MCM6: variants seen among roughly 807,000 people sequenced by gnomAD.
MCM6 encodes DNA replication licensing factor MCM6.
Under a neutral mutation model 94.3 loss-of-function variants are expected in MCM6, and 46 were observed. The ratio of observed to expected loss-of-function variants is 0.49; its 90% CI spans 0.39 to 0.62. MCM6 has a LOEUF of 0.62. Among genes scored for constraint, MCM6 ranks in the 20% least tolerant of loss-of-function variants. The pLI is 0.00. For missense variants in MCM6, 865 were observed against 1,017.9 expected (o/e 0.85, Z 2.04); for synonymous variants, 335 against 351.9 (o/e 0.95, Z 0.54).
In MCM6 at chr2:135,870,364, GA is replaced by G; in HGVS notation, c.255-4del. On this transcript the variant is annotated splice_region_variant and splice_polypyrimidine_tract_variant and intron_variant, in intron 2 of 16. Coordinates refer to ENST00000264156, the MANE Select transcript of MCM6 (RefSeq NM_005915.6). ...CCCGACACAGGTAAGGGTAAACTCT[GA>G]AAAACAAAAAAGTCAGCTGATACCT... 1 of 1,609,764 alleles carries G rather than the reference GA, an allele frequency of 6.2e-7. No homozygotes were observed. Among genetic ancestry groups the G allele is most frequent in the Non-Finnish European group, 8.5e-7 (1 of 1,176,990 alleles).
At chr2:135,865,223 G>A in intron 6 of MCM6, 60 bp from the exon 7 acceptor site, 1 of 1,208,052 alleles carries the variant, frequency 8.3e-7, no homozygotes, top group Non-Finnish European at 1.1e-6. Context: ...GAGCATAAAG[G>A]AGAAGAAACT....
At chr2:135,870,896 C>T (rs1202095557) in intron 2 of MCM6, among the ~76,000 whole-genome samples, 1 of 152,116 alleles carries the variant, frequency 6.6e-6, no homozygotes, top group Admixed American at 6.5e-5. Context: ...TACAGGCATG[C>T]ACCACCATGC....
intron 13 of MCM6, among the ~76,000 whole-genome samples, chr2:135,848,959 C>G (rs1327025573): frequency 1.3e-5 from 2 of 152,148 alleles, no homozygotes; most frequent in Admixed American, 1.3e-4. Context: ...AGGCTACTCC[C>G]AGTACGAACA....
chr2:135,840,500 AG>A lies in MCM6; in HGVS notation c.*334del, dbSNP rs2105568197. On this transcript the variant is annotated 3_prime_UTR_variant, in exon 17 of 17. Coordinates refer to ENST00000264156, the MANE Select transcript of MCM6 (RefSeq NM_005915.6). ...AAGCAGTAGCTGGCAATTGAAAAAA[AG>A]TTATTTGCTCAATAGGACAGCACAT... The A allele has an allele frequency of 5.8e-6, 1 of 173,122 alleles. No individual in the cohort carries two copies. The highest frequency in any genetic ancestry group is 1.9e-4 in the South Asian group (1 of 5,248). The allele number at this position is 173,122 out of a possible 1,614,324, so 10.7% of individuals were successfully genotyped here.
At chr2:135,868,933 G>A (rs1194339826) in intron 3 of MCM6, 73 bp from the exon 4 acceptor site, 1 of 1,397,730 alleles carries the variant, frequency 7.2e-7, no homozygotes, top group East Asian at 2.3e-5. Context: ...TAGTGAGAGG[G>A]TATTCAAAGA....
chr2:135,855,706 G>A (rs1679860757), intron 11 of MCM6, among the ~76,000 whole-genome samples: 1 of 152,010 alleles, frequency 6.6e-6, no homozygotes, highest in South Asian at 2.1e-4. Context: ...CTCACAAAAT[G>A]GAAGGCTACT....
intron 5 of MCM6, 37 bp downstream of exon 5, chr2:135,866,526 C>CT (rs771701595): frequency 1.3e-6 from 2 of 1,584,084 alleles, no homozygotes; most frequent in East Asian, 4.5e-5. Flanking sequence ...GTTTAGGTAA[C>CT]TGAGAATTTG....
chr2:135,847,105 C>G (rs1221976817), intron 14 of MCM6, among the ~76,000 whole-genome samples: 1 of 151,956 alleles, frequency 6.6e-6, no homozygotes, highest in African/African-American at 2.4e-5. Context: ...TGTATAAACT[C>G]TACTAGTAAA....
At chr2:135,865,580 C>T (rs1441769325) in intron 6 of MCM6, among the ~76,000 whole-genome samples, 1 of 152,162 alleles carries the variant, frequency 6.6e-6, no homozygotes, top group Non-Finnish European at 1.5e-5. Flanking sequence ...AGTTTACTTC[C>T]CAGATTACTA....
At chr2:135,866,081 G>A (rs765508137) in intron 6 of MCM6, 51 bp downstream of exon 6, 4 of 1,603,412 alleles carry the variant, frequency 2.5e-6, no homozygotes, top group Middle Eastern at 3.3e-4. Context: ...CAGCCTGGGT[G>A]ACAGAGAGAG....
intron 1 of MCM6, among the ~76,000 whole-genome samples, chr2:135,875,024 G>A (rs1418880105): frequency 6.6e-6 from 1 of 152,288 alleles, no homozygotes; most frequent in Non-Finnish European, 1.5e-5. Context: ...GAGGGAGAGG[G>A]TAACGGAGGA....
chr2:135,870,293 T>C lies in MCM6; in HGVS notation c.323A>G (p.Lys108Arg), dbSNP rs1431157013. The change falls in exon 3 of 17, where the codon AAG (lysine) becomes AGG (arginine). Residue 108 changes from lysine (K) to arginine (R), a missense_variant. Physicochemically the swap from Lys to Arg is conservative, Grantham distance 26. Coordinates refer to ENST00000264156, the MANE Select transcript of MCM6 (RefSeq NM_005915.6). Reference protein sequence around the residue: ...VKDRKEIPLAKDFYVAFQDLP... With the variant: ...VKDRKEIPLARDFYVAFQDLP... ...GTCTTGGAATGCAACATAAAAATCC[T>C]TGGCAAGAGGGATCTCTTTACGGTC... 2 of 1,614,040 alleles carry C rather than the reference T, an allele frequency of 1.2e-6. No individual in the cohort carries two copies. The highest frequency in any genetic ancestry group is 1.1e-5 in the South Asian group (1 of 91,080).
chr2:135,873,582 G>GA (rs1680243193), intron 1 of MCM6, among the ~76,000 whole-genome samples: 1 of 152,192 alleles, frequency 6.6e-6, no homozygotes, highest in Admixed American at 6.5e-5. Context: ...TTCGCCTTAA[G>GA]AAAAAATCAA....
chr2:135,853,431 T>G (rs1171254870), intron 11 of MCM6, among the ~76,000 whole-genome samples: 1 of 151,880 alleles, frequency 6.6e-6, no homozygotes, highest in Non-Finnish European at 1.5e-5. Context: ...GGCAACAGAG[T>G]AAGCCTTATC....
At chr2:135,842,567 T>C (rs1367700557) in intron 16 of MCM6, among the ~76,000 whole-genome samples, 2 of 152,130 alleles carry the variant, frequency 1.3e-5, no homozygotes, top group African/African-American at 4.8e-5. Context: ...ACTAACCACT[T>C]AAATAAAGAA....
chr2:135,863,558 T>G (rs1680032150), intron 7 of MCM6, among the ~76,000 whole-genome samples: 2 of 151,686 alleles, frequency 1.3e-5, no homozygotes, highest in South Asian at 4.2e-4. Context: ...AAACCCCATC[T>G]CTAAAAAAAA....
chr2:135,859,528 C>A, intron 8 of MCM6, 86 bp from the exon 9 acceptor site: 1 of 888,562 alleles, frequency 1.1e-6, no homozygotes, highest in Non-Finnish European at 1.7e-6. Context: ...GTTTAAATTA[C>A]TGAAAGAACA....
At position 135,866,562 on chromosome 2, in the gene MCM6, C is replaced by G; in HGVS notation, c.781+1G>C. The stretch of plus-strand genomic sequence containing the variant: ...TTAAATTTGAGCCACAGATTACTGA[C>G]CTGGTGTGCTAAGCTTGGAGACGTC... On this transcript the variant is annotated splice_donor_variant, in intron 5 of 16. Transcript: ENST00000264156. LOFTEE classifies it high-confidence loss of function. 6.2e-7 allele frequency: 1 copy of G among 1,609,932 alleles called. No individual in the cohort carries two copies. The highest frequency in any genetic ancestry group is 8.5e-7 in the Non-Finnish European group (1 of 1,178,440).
intron 16 of MCM6, among the ~76,000 whole-genome samples, chr2:135,841,255 T>C (rs1236196146): frequency 1.3e-5 from 2 of 152,374 alleles, no homozygotes; most frequent in Middle Eastern, 3.4e-3. Context: ...GCTTGAATTT[T>C]AAGGTTAAAC....
Sources: gnomAD v4.1 joint callset for allele counts (sites outside exome capture counted in the v4.1 genomes callset) on GRCh38, gnomAD v4.1.1 for gene constraint, MANE v1.5 for transcripts, NCBI Gene and HGNC (gene_info 2026-07-23, HGNC 2026-07-21) for gene names.